KHDC1: variants seen among roughly 807,000 people sequenced by gnomAD.
KHDC1 encodes KH domain containing 1.
KHDC1 carries 21 observed loss-of-function variants against 24.7 expected under a neutral mutation model. That is an observed-to-expected ratio of 0.85 (90% CI 0.60 to 1.23). KHDC1 has a LOEUF of 1.23. Among genes scored for constraint, KHDC1 ranks in the 50% most tolerant of loss-of-function variants. The pLI is 0.00. For synonymous variants in KHDC1, 98 were observed against 111.7 expected (o/e 0.88, Z 0.77); for missense variants, 274 against 298.5 (o/e 0.92, Z 0.61).
chr6:73,301,555 T>C (rs527366212), intron 1 of KHDC1, among the ~76,000 whole-genome samples: 1 of 152,318 alleles, frequency 6.6e-6, no homozygotes, highest in South Asian at 2.1e-4. Context: ...AACATTCTGT[T>C]AAATTTAGAG....
intron 2 of KHDC1, among the ~76,000 whole-genome samples, chr6:73,272,919 G>C (rs1328514525): frequency 4.8e-5 from 7 of 146,206 alleles, no homozygotes; most frequent in African/African-American, 7.6e-5. Flanking sequence ...AGTGCAATGG[G>C]GTGATCTTGG....
chr6:73,274,965 T>TTACAGAA (rs1226618184), intron 2 of KHDC1: 1 of 152,372 alleles, frequency 6.6e-6, no homozygotes, highest in Non-Finnish European at 1.5e-5. Flanking sequence ...CTGGAGGAGG[T>TTACAGAA]GGAGCTTACA....
intron 1 of KHDC1, among the ~76,000 whole-genome samples, chr6:73,296,838 C>G (rs976225333): frequency 1.3e-5 from 2 of 152,068 alleles, no homozygotes; most frequent in Non-Finnish European, 2.9e-5. Flanking sequence ...CTTTTTCAAC[C>G]TCTCTCAGTT....
At chr6:73,309,616 G>A (rs1416243817) in exon 1 of KHDC1, 1 of 1,549,264 alleles carries the variant, frequency 6.5e-7, no homozygotes, top group Admixed American at 2.0e-5. Context: ...CAAGGGTCTG[G>A]AGAAAGGGCC....
At chr6:73,290,701 A>G in intron 2 of KHDC1, 1 of 436,044 alleles carries the variant, frequency 2.3e-6, no homozygotes. Context: ...AGCCACATGT[A>G]TTGCTGGTCA....
intron 2 of KHDC1, among the ~76,000 whole-genome samples, chr6:73,256,009 A>ACCTTAGAC (rs1177790065): frequency 1.3e-5 from 2 of 152,254 alleles, no homozygotes; most frequent in East Asian, 3.9e-4. Context: ...ATGGAGTTAG[A>ACCTTAGAC]AATACTGTGG....
chr6:73,293,212 A>G, intron 1 of KHDC1: 1 of 687,272 alleles, frequency 1.5e-6, no homozygotes, highest in Non-Finnish European at 2.8e-6. Context: ...TATTGAGAAG[A>G]AACTTAATGA....
chr6:73,241,405 C>A, exon 5 of KHDC1: 1 of 841,188 alleles, frequency 1.2e-6, no homozygotes, highest in Non-Finnish European at 2.0e-6. Flanking sequence ...TCTAGAAGAC[C>A]TGAGAGGGAC....
At chr6:73,259,334 C>A (rs1766938391) in intron 2 of KHDC1, among the ~76,000 whole-genome samples, 1 of 129,218 alleles carries the variant, frequency 7.7e-6, no homozygotes. Context: ...GTCGCCCAGG[C>A]TGGAGTGCAG....
chr6:73,254,620 T>C (rs898676199), intron 2 of KHDC1, among the ~76,000 whole-genome samples: 6 of 152,222 alleles, frequency 3.9e-5, no homozygotes, highest in African/African-American at 1.4e-4. Flanking sequence ...AAGAGTGTAT[T>C]GTATGATGCT....
At chr6:73,272,268 A>G (rs1767193005) in intron 2 of KHDC1, among the ~76,000 whole-genome samples, 1 of 151,480 alleles carries the variant, frequency 6.6e-6, no homozygotes, top group Admixed American at 6.6e-5. Context: ...GGTTCAAGCT[A>G]TTCTCCTGCC....
chr6:73,291,341 C>A (rs10455092), intron 2 of KHDC1: 44,925 of 206,050 alleles, frequency 0.22, 5,839 homozygotes, highest in African/African-American at 0.37. Flanking sequence ...TCCAAGAAAA[C>A]ACGAACAGCT....
At chr6:73,247,733 T>C (rs945722819) in intron 2 of KHDC1, among the ~76,000 whole-genome samples, 8 of 151,834 alleles carry the variant, frequency 5.3e-5, no homozygotes, top group Admixed American at 5.3e-4. Flanking sequence ...GGCACGCATC[T>C]GTAATCTCAG....
At chr6:73,266,479 A>G (rs529268447) in intron 2 of KHDC1, among the ~76,000 whole-genome samples, 1 of 152,358 alleles carries the variant, frequency 6.6e-6, no homozygotes, top group South Asian at 2.1e-4. Context: ...AGTTGACTTT[A>G]AAGTCCTCCT....
At chr6:73,290,514 C>CTTT in intron 2 of KHDC1, 3 of 373,972 alleles carry the variant, frequency 8.0e-6, no homozygotes, top group East Asian at 7.5e-5. Context: ...ATATCATAAT[C>CTTT]TTTTTTTTTT....
intron 2 of KHDC1, among the ~76,000 whole-genome samples, chr6:73,270,810 C>G (rs2150603996): frequency 6.6e-6 from 1 of 151,968 alleles, no homozygotes; most frequent in Admixed American, 6.6e-5. Context: ...CCTGCCTCAG[C>G]CTCCCGAGTA....
intron 2 of KHDC1, among the ~76,000 whole-genome samples, chr6:73,244,256 T>C (rs1002397164): frequency 6.6e-6 from 1 of 152,292 alleles, no homozygotes; most frequent in African/African-American, 2.4e-5. Flanking sequence ...TCGCACAAAC[T>C]GAAAGGGGTA....
chr6:73,288,157 C>T (rs1162470754), intron 2 of KHDC1, among the ~76,000 whole-genome samples: 1 of 152,240 alleles, frequency 6.6e-6, no homozygotes, highest in African/African-American at 2.4e-5. Context: ...TCCGAGAAGA[C>T]GGCAGTGAAC....
chr6:73,306,791 G>A (rs532117421), intron 1 of KHDC1, among the ~76,000 whole-genome samples: 113 of 152,206 alleles, frequency 7.4e-4, no homozygotes, highest in African/African-American at 2.7e-3. Flanking sequence ...GGCAGATCAC[G>A]AGGTCAAGAG....
Sources: gnomAD v4.1 joint callset for allele counts (sites outside exome capture counted in the v4.1 genomes callset) on GRCh38, gnomAD v4.1.1 for gene constraint, MANE v1.5 for transcripts, NCBI Gene and HGNC (gene_info 2026-07-23, HGNC 2026-07-21) for gene names.